The following CLEC4A variants were observed in gnomAD, a reference collection of about 807,000 sequenced individuals.
The protein encoded by CLEC4A is C-type (calcium dependent, carbohydrate-recognition domain) lectin, superfamily member 6.
CLEC4A carries 27 observed loss-of-function variants against 32.7 expected under a neutral mutation model. The observed-to-expected ratio is 0.83, with a 90% CI of 0.61 to 1.14. The LOEUF (loss-of-function observed/expected upper bound fraction) is 1.14, where lower values mean the gene tolerates loss of function less well. CLEC4A is among the 50% of genes most tolerant of loss of function. CLEC4A has a pLI of 0.00. For missense variants in CLEC4A, 253 were observed against 274.6 expected (o/e 0.92, Z 0.55); for synonymous variants, 89 against 93.7 (o/e 0.95, Z 0.29).
chr12:8,104,312 C>T, the CLEC4A span, among the ~76,000 whole-genome samples: 2 of 152,280 alleles, frequency 1.3e-5, no homozygotes, highest in Admixed American at 6.5e-5. Flanking sequence ...ATTCCATTTT[C>T]CTTTTTTCAT....
At chr12:8,122,137 G>A (rs2120557665), upstream of CLEC4A, among the ~76,000 whole-genome samples, 1 of 152,082 alleles carries the variant, frequency 6.6e-6, no homozygotes, top group African/African-American at 2.4e-5. Flanking sequence ...GACCTGCATG[G>A]AGTGTCAGAG....
chr12:8,122,279 AGG>A (rs1350806971), upstream of CLEC4A, among the ~76,000 whole-genome samples: 1 of 151,992 alleles, frequency 6.6e-6, no homozygotes, highest in East Asian at 1.9e-4. Flanking sequence ...CAGGGTGAGG[AGG>A]GCTTCCACCC....
At chr12:8,118,664 A>G (rs1222720191), upstream of CLEC4A, among the ~76,000 whole-genome samples, 1 of 152,186 alleles carries the variant, frequency 6.6e-6, no homozygotes, top group African/African-American at 2.4e-5. Context: ...CCAAGGGGGA[A>G]ATCTACCCCC....
intron 2 of CLEC4A, among the ~76,000 whole-genome samples, chr12:8,126,371 A>ATTTTTTTTTT (rs55729993): frequency 8.6e-6 from 1 of 115,696 alleles, no homozygotes; most frequent in Non-Finnish European, 1.8e-5. Flanking sequence ...TGCTCAGCTA[A>ATTTTTTTTTT]TTTTTTTTTT....
At chr12:8,122,052 A>T (rs754075321), upstream of CLEC4A, among the ~76,000 whole-genome samples, 3 of 152,066 alleles carry the variant, frequency 2.0e-5, no homozygotes, top group Non-Finnish European at 2.9e-5. Flanking sequence ...GAGGGTGTCC[A>T]TGTGGTGGGG....
chr12:8,131,516 G>T (rs1373829987), intron 3 of CLEC4A, among the ~76,000 whole-genome samples: 2 of 152,054 alleles, frequency 1.3e-5, no homozygotes, highest in Non-Finnish European at 2.9e-5. Context: ...CCCTCTTTTT[G>T]TTCCATTCAG....
intron 1 of CLEC4A, among the ~76,000 whole-genome samples, chr12:8,124,183 T>G (rs1192747939): frequency 6.6e-6 from 1 of 152,178 alleles, no homozygotes; most frequent in Non-Finnish European, 1.5e-5. Context: ...CAGCCTCCAC[T>G]CTGCTTACTG....
chr12:8,132,896 TTTTG>T (rs930244978), intron 3 of CLEC4A, among the ~76,000 whole-genome samples: 32 of 152,154 alleles, frequency 2.1e-4, no homozygotes, highest in African/African-American at 7.2e-4. Context: ...TTGTGGGTTT[TTTTG>T]TTTGTTTTTG....
At chr12:8,118,712 C>T (rs940021297), upstream of CLEC4A, among the ~76,000 whole-genome samples, 6 of 152,200 alleles carry the variant, frequency 3.9e-5, no homozygotes, top group African/African-American at 1.4e-4. Context: ...ACCTCCAACA[C>T]TGAGGATTAT....
rs1187858911 is a variant in CLEC4A, at chr12:8,135,047, C to CTTTT, written c.299-519_299-516dup. ...CAGATAATTCTAACAATTTTATTATCTTTTTTTTTTTTTTTTTTTTTTGAG... is the reference window on the plus strand; with the variant it reads ...CAGATAATTCTAACAATTTTATTATCTTTTTTTTTTTTTTTTTTTTTTTTTTGAG... On this transcript the variant is annotated intron_variant, in intron 3 of 5. Coordinates refer to ENST00000229332, the MANE Select transcript of CLEC4A (RefSeq NM_016184.4). Among the ~76,000 whole-genome samples, 6 of 9,022 alleles carry CTTTT rather than the reference C, an allele frequency of 6.7e-4. 1 individual carries two copies. Among genetic ancestry groups the CTTTT allele is most frequent in the East Asian group, 0.012 (2 of 166 alleles). 5.9% of individuals were successfully genotyped at this position (9,022 alleles called of 152,430 possible).
the CLEC4A span, among the ~76,000 whole-genome samples, chr12:8,112,907 A>G: frequency 1.3e-5 from 2 of 152,170 alleles, no homozygotes; most frequent in East Asian, 1.9e-4. Flanking sequence ...TATCATGAAT[A>G]TTTTCAAAAG....
chr12:8,122,113 G>T (rs1947836174), upstream of CLEC4A, among the ~76,000 whole-genome samples: 1 of 152,034 alleles, frequency 6.6e-6, no homozygotes, highest in African/African-American at 2.4e-5. Flanking sequence ...GGACATTATT[G>T]CTGGGGGATG....
the CLEC4A span, among the ~76,000 whole-genome samples, chr12:8,108,494 A>G: frequency 6.6e-6 from 1 of 152,190 alleles, no homozygotes; most frequent in Non-Finnish European, 1.5e-5. Context: ...TGACTATAGG[A>G]CTAATGTTCA....
rs1472033025 is a variant in CLEC4A at position 8,138,158 on chromosome 12, G to C, written c.585G>C (p.Glu195Asp). 1 of 1,613,848 alleles carries C rather than the reference G, an allele frequency of 6.2e-7. No individual in the cohort carries two copies. The highest frequency in any genetic ancestry group is 1.1e-5 in the South Asian group (1 of 91,046). Reference sequence around the variant, plus strand: ...CTTTCAGATTCTGGCATCCACGTGAGCCCAGTGATCCCAATGAGCGCTGCG... The same window carrying C: ...CTTTCAGATTCTGGCATCCACGTGACCCCAGTGATCCCAATGAGCGCTGCG... ...NESSTFWHPR[E>D]PSDPNERCVV... The change falls in exon 6 of 6, where the codon GAG becomes GAC. Residue 195 changes from glutamate to aspartate, a missense_variant. Physicochemically the swap from Glu to Asp is conservative, Grantham distance 45. Transcript: ENST00000229332.
upstream of CLEC4A, among the ~76,000 whole-genome samples, chr12:8,122,793 A>C: frequency 6.6e-6 from 1 of 152,160 alleles, no homozygotes; most frequent in East Asian, 1.9e-4. Context: ...ATATAGAAAT[A>C]ATATAGAAAT....
At position 8,123,983 on chromosome 12, in the gene CLEC4A, C is replaced by T. The variant is rs367759558; in HGVS notation, c.82+23C>T. 3.1e-5 allele frequency: 46 copies of T among 1,463,512 alleles called. No homozygotes were observed. The African/African-American group carries it at 4.2e-4, about 13-fold the overall frequency. 90.7% of individuals were successfully genotyped at this position (1,463,512 alleles called of 1,614,324 possible). The stretch of plus-strand genomic sequence containing the variant: ...CAGGTAAAGATCATTTTCTAGGGGT[C>T]AGAGTGAATGACGAGGTGAAGGATG... On this transcript the variant is annotated intron_variant, in intron 1 of 5. Transcript: ENST00000229332.
chr12:8,120,468 G>A (rs911748804), upstream of CLEC4A, among the ~76,000 whole-genome samples: 14 of 152,100 alleles, frequency 9.2e-5, no homozygotes, highest in South Asian at 2.1e-4. Context: ...CAAAATCCAG[G>A]CAAATTCTTT....
intron 2 of CLEC4A, 31 bp from the exon 3 acceptor site, chr12:8,129,233 G>T: frequency 7.3e-7 from 1 of 1,373,742 alleles, no homozygotes; most frequent in Non-Finnish European, 1.0e-6. Flanking sequence ...ATGCTACCAG[G>T]AAAATAAATG....
intron 3 of CLEC4A, chr12:8,134,663 A>G (rs755053458): frequency 1.9e-6 from 3 of 1,586,562 alleles, no homozygotes; most frequent in East Asian, 2.3e-5. Flanking sequence ...ACGGCGGGGG[A>G]CATGGGGGAA....
Sources: gnomAD v4.1 joint callset for allele counts (sites outside exome capture counted in the v4.1 genomes callset) on GRCh38, gnomAD v4.1.1 for gene constraint, MANE v1.5 for transcripts, NCBI Gene and HGNC (gene_info 2026-07-23, HGNC 2026-07-21) for gene names.